Variants in BAALC observed in about 807,000 individuals in gnomAD.
BAALC encodes the protein brain and acute leukemia cytoplasmic protein.
A neutral mutation model predicts 15.5 loss-of-function variants in BAALC; 9 were observed. The observed-to-expected ratio is 0.58, with a 90% confidence interval of 0.35 to 1.02. The LOEUF is 1.02. Ranked by LOEUF, BAALC falls within the 50% of genes least tolerant of loss-of-function variation. The pLI, the probability that BAALC is intolerant of heterozygous loss-of-function variation, is 0.02. For missense variants in BAALC, 201 were observed against 192.4 expected (o/e 1.04, Z -0.27); for synonymous variants, 80 against 74.6 (o/e 1.07, Z -0.37).
intron 1 of BAALC, among the ~76,000 whole-genome samples, chr8:103,209,371 G>GA (rs1160174464): frequency 3.4e-4 from 51 of 151,736 alleles, no homozygotes; most frequent in African/African-American, 7.3e-5. Flanking sequence ...GACTCCATCT[G>GA]AAAAAAAACA....
At chr8:103,211,218 A>G (rs561590760) in intron 1 of BAALC, among the ~76,000 whole-genome samples, 67 of 152,244 alleles carry the variant, frequency 4.4e-4, no homozygotes, top group African/African-American at 1.6e-3. Context: ...CTAGCCTCTC[A>G]TCTACAACTC....
chr8:103,165,853 A>G (rs78688042), intron 1 of BAALC: 2 of 152,150 alleles, frequency 1.3e-5, no homozygotes, highest in East Asian at 3.9e-4. Context: ...CTCCTATAAA[A>G]TACACCCCCA....
intron 1 of BAALC, among the ~76,000 whole-genome samples, chr8:103,150,925 C>G (rs192278521): frequency 6.6e-6 from 1 of 152,140 alleles, no homozygotes; most frequent in Non-Finnish European, 1.5e-5. Context: ...ATCATGACCT[C>G]GGGTCCCTGG....
intron 1 of BAALC, among the ~76,000 whole-genome samples, chr8:103,203,048 C>T (rs373391304): frequency 1.3e-5 from 2 of 152,188 alleles, no homozygotes; most frequent in East Asian, 1.9e-4. Flanking sequence ...GAATTCAGGC[C>T]CATTTCGCCA....
chr8:103,221,053 C>T (rs1017617980), intron 2 of BAALC, among the ~76,000 whole-genome samples: 2 of 152,106 alleles, frequency 1.3e-5, no homozygotes, highest in African/African-American at 4.8e-5. Context: ...GTCTTGAATC[C>T]AGGTCTCCAG....
At chr8:103,185,262 G>A (rs755564666) in intron 1 of BAALC, among the ~76,000 whole-genome samples, 4 of 151,832 alleles carry the variant, frequency 2.6e-5, no homozygotes, top group African/African-American at 4.8e-5. Context: ...GAACTCTCCC[G>A]ACTCCCATCA....
intron 1 of BAALC, among the ~76,000 whole-genome samples, chr8:103,207,488 G>A (rs1447402192): frequency 6.6e-6 from 1 of 152,222 alleles, no homozygotes; most frequent in Non-Finnish European, 1.5e-5. Context: ...AGTTAGTAAA[G>A]CTTGTTAATG....
chr8:103,201,766 A>G (rs1177592467), intron 1 of BAALC, among the ~76,000 whole-genome samples: 1 of 152,210 alleles, frequency 6.6e-6, no homozygotes, highest in Non-Finnish European at 1.5e-5. Context: ...GAAGCCTCAG[A>G]TGTAAACCCA....
chr8:103,215,600 G>T (rs757169638), intron 2 of BAALC, among the ~76,000 whole-genome samples: 6 of 152,136 alleles, frequency 3.9e-5, no homozygotes, highest in Non-Finnish European at 7.3e-5. Flanking sequence ...TGGAAACCAG[G>T]CCAAGAAAGC....
At chr8:103,149,320 C>T (rs996177260) in intron 1 of BAALC, among the ~76,000 whole-genome samples, 6 of 152,232 alleles carry the variant, frequency 3.9e-5, no homozygotes, top group African/African-American at 1.4e-4. Context: ...GCTCCAATCT[C>T]CATCTCCATA....
rs950845226 is a variant in BAALC at position 103,166,550 on chromosome 8, G to A, written c.160+25493G>A. 3.9e-5 allele frequency among the ~76,000 whole-genome samples: 6 copies of A among 152,140 alleles called. No individual in the cohort carries two copies. In the South Asian group the frequency reaches 1.2e-3, roughly 31 times the overall value. The stretch of plus-strand genomic sequence containing the variant: ...GTTTTTGGAATGGACAGTGACACTG[G>A]CAAGGAGATTGTCCCACAGTCAGCA... On this transcript the variant is annotated intron_variant, in intron 1 of 2. Transcript: ENST00000309982.
intron 1 of BAALC, among the ~76,000 whole-genome samples, chr8:103,195,295 T>C (rs1459828763): frequency 6.6e-6 from 1 of 152,194 alleles, no homozygotes; most frequent in Non-Finnish European, 1.5e-5. Context: ...AAGCTCTTCC[T>C]GTAAGCTGAG....
chr8:103,176,890 C>T (rs1177666058), intron 1 of BAALC, among the ~76,000 whole-genome samples: 3 of 152,114 alleles, frequency 2.0e-5, no homozygotes, highest in African/African-American at 7.2e-5. Flanking sequence ...GCTGCAGGGC[C>T]CTCGCATGCC....
intron 1 of BAALC, among the ~76,000 whole-genome samples, chr8:103,148,385 A>G (rs1325593445): frequency 1.3e-5 from 2 of 152,020 alleles, no homozygotes; most frequent in Non-Finnish European, 2.9e-5. Flanking sequence ...ATCTTTTTTC[A>G]TTTTTGATTT....
chr8:103,156,535 T>C (rs1312023120), intron 1 of BAALC, among the ~76,000 whole-genome samples: 3 of 152,142 alleles, frequency 2.0e-5, no homozygotes, highest in Admixed American at 1.3e-4. Flanking sequence ...TCACTGTTGA[T>C]TTAGAGAGTT....
intron 1 of BAALC, among the ~76,000 whole-genome samples, chr8:103,175,994 G>T (rs1164911929): frequency 6.6e-6 from 1 of 152,166 alleles, no homozygotes; most frequent in African/African-American, 2.4e-5. Context: ...AGTTGAAAGT[G>T]CCAGACTCAA....
chr8:103,149,553 G>A (rs970729416), intron 1 of BAALC, among the ~76,000 whole-genome samples: 16 of 152,212 alleles, frequency 1.1e-4, no homozygotes, highest in African/African-American at 3.9e-4. Context: ...TGAAGACGAT[G>A]CTGTATTTGC....
chr8:103,147,076 G>T, intron 1 of BAALC, among the ~76,000 whole-genome samples: 1 of 152,222 alleles, frequency 6.6e-6, no homozygotes, highest in East Asian at 1.9e-4. Context: ...CTGTGAAAAT[G>T]AATAAATGAA....
chr8:103,204,303 T>C (rs1362551440), intron 1 of BAALC, among the ~76,000 whole-genome samples: 1 of 152,152 alleles, frequency 6.6e-6, no homozygotes, highest in Non-Finnish European at 1.5e-5. Flanking sequence ...GTTGTAGGAG[T>C]TCTTTGAAAG....
Sources: gnomAD v4.1 joint callset for allele counts (sites outside exome capture counted in the v4.1 genomes callset) on GRCh38, gnomAD v4.1.1 for gene constraint, MANE v1.5 for transcripts, NCBI Gene and HGNC (gene_info 2026-07-23, HGNC 2026-07-21) for gene names.